Variants in LARGE2 observed in about 807,000 individuals in gnomAD.
LARGE2 encodes LARGE xylosyl- and glucuronyltransferase 2, also known as xylosyl- and glucuronyltransferase LARGE2.
LARGE2 carries 63 observed loss-of-function variants against 75.3 expected under a neutral mutation model. The ratio of observed to expected loss-of-function variants is 0.84; its 90% confidence interval spans 0.68 to 1.03. The LOEUF (loss-of-function observed/expected upper bound fraction) is 1.03, where lower values mean the gene tolerates loss of function less well. Ranked by LOEUF, LARGE2 falls within the 50% of genes least tolerant of loss-of-function variation. The pLI is 0.00. For synonymous variants in LARGE2, 428 were observed against 420.1 expected, an observed-to-expected ratio of 1.02 and a Z score of -0.23; for missense variants, 925 against 980.6, an observed-to-expected ratio of 0.94 and a Z score of 0.76.
At position 45,927,992 on chromosome 11, in the gene LARGE2, G is replaced by C. The variant is rs781100368; in HGVS notation, c.1677G>C (p.Leu559=). The C allele has an allele frequency of 6.2e-7, 1 of 1,613,912 alleles. No individual in the cohort carries two copies. The highest frequency in any genetic ancestry group is 1.1e-5 in the South Asian group (1 of 91,082). ...AALVVPAFET[L]RYRFSFPHSK... The stretch of plus-strand genomic sequence containing the variant: ...TGGTGGTGCCGGCATTCGAGACCCT[G>C]CGCTACCGCTTCAGCTTCCCCCATT... Residue 559 remains leucine, a synonymous_variant, in exon 12 of 14, where the codon CTG becomes CTC. Transcript: ENST00000401752.
Position 45,924,876 on chromosome 11 carries a change from G to A in LARGE2, c.756G>A (p.Arg252=), listed in dbSNP as rs941993848. 5.4e-6 allele frequency: 8 copies of A among 1,479,552 alleles called. No individual in the cohort carries two copies. The highest frequency in any genetic ancestry group is 6.3e-6 in the Non-Finnish European group (7 of 1,116,212). 91.7% of individuals were successfully genotyped at this position (1,479,552 alleles called of 1,614,324 possible). ...ACAGGCCCTGGCCTGCCTTGGGCCGGGGATTTAACACAGGTGGGGACAGTG... is the reference window on the plus strand; with the variant it reads ...ACAGGCCCTGGCCTGCCTTGGGCCGAGGATTTAACACAGGTGGGGACAGTG... ...KNHRPWPALG[R]GFNTGVILLR... is the part of the protein sequence containing the mutation. Residue 252 remains arginine (R), a synonymous_variant, in exon 6 of 14, where the codon CGG becomes CGA. Coordinates refer to ENST00000401752, the MANE Select transcript of LARGE2 (RefSeq NM_001300721.2).
intron 10 of LARGE2, 27 bp downstream of exon 10, chr11:45,926,898 G>A: frequency 6.3e-7 from 1 of 1,586,406 alleles, no homozygotes. Flanking sequence ...CAGCCCAGGG[G>A]GTATGGCATG....
chr11:45,922,867 GC>G lies in LARGE2; in HGVS notation c.-11del, dbSNP rs1194468096. On this transcript the variant is annotated 5_prime_UTR_variant, in exon 2 of 14. Transcript: ENST00000401752. ...CCCCGGGTCGCGTCCCTCCCTGAGC[GC>G]CCCCGTCGGCGGCCATGCTGCCCCG... 3.2e-6 allele frequency: 4 copies of G among 1,251,302 alleles called. No individual in the cohort carries two copies. The highest frequency in any genetic ancestry group is 1.6e-5 in the African/African-American group (1 of 64,158). The allele number at this position is 1,251,302 out of a possible 1,614,324, so 77.5% of individuals were successfully genotyped here.
Position 45,923,213 on chromosome 11 carries a change from C to G in LARGE2, c.285+46C>G, listed in dbSNP as rs1004319887. ...CGGCGGGAGTCCTGGGGGCGCCGCCCCCGAGCCCGGCCTCTTGGACATCTG... is the reference window on the plus strand; with the variant it reads ...CGGCGGGAGTCCTGGGGGCGCCGCCGCCGAGCCCGGCCTCTTGGACATCTG... On this transcript the variant is annotated intron_variant, in intron 2 of 13. Transcript: ENST00000401752. 7 of 1,317,022 alleles carry G rather than the reference C, an allele frequency of 5.3e-6. No homozygotes were observed. In the Admixed American group the frequency reaches 1.6e-4, roughly 31 times the overall value. 81.6% of individuals were successfully genotyped at this position (1,317,022 alleles called of 1,614,324 possible).
chr11:45,925,996 C>A, intron 6 of LARGE2, 43 bp from the exon 7 acceptor site: 1 of 1,514,012 alleles, frequency 6.6e-7, no homozygotes, highest in Non-Finnish European at 9.0e-7. Flanking sequence ...CCCCCAGGAG[C>A]TGGTCGTCCC....
chr11:45,923,641 C>A, intron 3 of LARGE2, 86 bp downstream of exon 3: 1 of 1,198,490 alleles, frequency 8.3e-7, no homozygotes, highest in South Asian at 1.2e-5. Context: ...GCTTCAGCTT[C>A]CTCATCTGTG....
chr11:45,928,160 C>G lies in LARGE2; in HGVS notation c.1755-17C>G. On this transcript the variant is annotated splice_polypyrimidine_tract_variant and intron_variant, in intron 12 of 13. Coordinates refer to ENST00000401752, the MANE Select transcript of LARGE2 (RefSeq NM_001300721.2). Reference sequence around the variant, plus strand: ...CTCCTAGCCTCAGCCTGGCTCCCACCCGACCCTGCTGCACAGGTACCACGA... The same window carrying G: ...CTCCTAGCCTCAGCCTGGCTCCCACGCGACCCTGCTGCACAGGTACCACGA... 6.2e-7 allele frequency: 1 copy of G among 1,613,260 alleles called. No homozygotes were observed.
chr11:45,927,703 T>C (rs2087245193), intron 11 of LARGE2, 110 bp downstream of exon 11: 1 of 1,508,890 alleles, frequency 6.6e-7, no homozygotes, highest in South Asian at 1.1e-5. Context: ...CAGTGGCCTC[T>C]GTCAATTGGG....
At chr11:45,926,653 T>C in intron 9 of LARGE2, 56 bp downstream of exon 9, 1 of 1,612,404 alleles carries the variant, frequency 6.2e-7, no homozygotes, top group East Asian at 2.2e-5. Flanking sequence ...CCCAGCCTTG[T>C]CTGGGGGATG....
rs3215274 is a variant in LARGE2, at chr11:45,929,068, CT to C, written c.*228del. The C allele has an allele frequency of 8.7e-5, 53 of 609,636 alleles. No individual in the cohort carries two copies. The East Asian group carries it at 1.4e-3, about 16-fold the overall frequency. 37.8% of individuals were successfully genotyped at this position (609,636 alleles called of 1,614,324 possible). On this transcript the variant is annotated 3_prime_UTR_variant, in exon 14 of 14. Transcript: ENST00000401752. Reference sequence around the variant, plus strand: ...TTCCCCCATCTTGAATTGTTTATCCCTTTTTCATAATTAAAGTTTTAAAACA... The same window carrying C: ...TTCCCCCATCTTGAATTGTTTATCCCTTTTCATAATTAAAGTTTTAAAACA...
At chr11:45,925,384 A>G (rs2087103638) in intron 6 of LARGE2, among the ~76,000 whole-genome samples, 1 of 152,168 alleles carries the variant, frequency 6.6e-6, no homozygotes, top group South Asian at 2.1e-4. Context: ...GACCAGTCGC[A>G]GTGGCTCACA....
chr11:45,923,191 C>G, intron 2 of LARGE2, 24 bp downstream of exon 2: 1 of 1,325,472 alleles, frequency 7.5e-7, no homozygotes, highest in South Asian at 2.1e-5. Context: ...GCCCTGGCGG[C>G]GGGAGTCCTG....
rs572092873 is a variant in LARGE2 at position 45,928,657 on chromosome 11, G to A, written c.1978G>A (p.Ala660Thr). 7.4e-6 allele frequency: 12 copies of A among 1,614,098 alleles called. No homozygotes were observed. The South Asian group carries it at 1.3e-4, about 18-fold the overall frequency. ...QEYELLVLPE[A>T]FTIHLPHAPS... ...ATATGAGCTCCTGGTGCTGCCCGAG[G>A]CCTTCACCATCCATCTGCCCCACGC... Residue 660 changes from alanine to threonine, a missense_variant, in exon 14 of 14, where the codon GCC (alanine) becomes ACC (threonine). By Grantham distance (58) the Ala-to-Thr change is moderately conservative. This residue lies in a region of LARGE2 where 469 missense variants were observed against 503.8 expected (regional missense o/e 0.93). Transcript: ENST00000401752.
In LARGE2 at chr11:45,923,538, GT is replaced by G. The variant is rs1430371324; in HGVS notation, c.352del (p.Ser118ProfsTer15). The G allele has an allele frequency of 1.2e-6, 2 of 1,613,854 alleles. No homozygotes were observed. The highest frequency in any genetic ancestry group is 1.7e-6 in the Non-Finnish European group (2 of 1,179,976). Reference protein sequence around the residue: ...SSRDVITLVKSMLFYRKNPLH... With the variant: ...SSRDVITLVKXMLFYRKNPLH... ...GCCGAGACGTCATCACCCTGGTGAA[GT>G]CCATGCTCTTCTACAGGTACAGCCA... On this transcript the variant is annotated frameshift_variant, in exon 3 of 14. Coordinates refer to ENST00000401752, the MANE Select transcript of LARGE2 (RefSeq NM_001300721.2). LOFTEE classifies it high-confidence loss of function.
rs922043262 is a variant in LARGE2, at chr11:45,923,837, T to C, written c.368+282T>C. 1.2e-3 allele frequency among the ~76,000 whole-genome samples: 181 copies of C among 150,652 alleles called. 3 individuals are homozygous for C. Among genetic ancestry groups the C allele is most frequent in the African/African-American group, 4.3e-3 (175 of 40,886 alleles). On this transcript the variant is annotated intron_variant, in intron 3 of 13. Coordinates refer to ENST00000401752, the MANE Select transcript of LARGE2 (RefSeq NM_001300721.2). ...CCGTCTCTACTAAAAATACAAAAAATTAGCCGGGCGTAGTGGCGGGCGCCT... is the reference window on the plus strand; with the variant it reads ...CCGTCTCTACTAAAAATACAAAAAACTAGCCGGGCGTAGTGGCGGGCGCCT...
At chr11:45,924,992 A>T in intron 6 of LARGE2, 103 bp downstream of exon 6, 1 of 648,104 alleles carries the variant, frequency 1.5e-6, no homozygotes, top group Non-Finnish European at 2.5e-6. Flanking sequence ...CAGGAAGAAC[A>T]TTGCTGTGAA....
downstream of LARGE2, chr11:45,929,096 CTTTT>C (rs1412610503): frequency 1.8e-6 from 1 of 548,688 alleles, no homozygotes; most frequent in Non-Finnish European, 3.2e-6. Context: ...TTTAAAACAT[CTTTT>C]TTGTGTTCCT....
At chr11:45,924,369 TC>T (rs1229768259) in intron 4 of LARGE2, 92 bp downstream of exon 4, 7 of 1,574,720 alleles carry the variant, frequency 4.4e-6, no homozygotes, top group African/African-American at 1.4e-5. Context: ...GAATCATCAG[TC>T]CCCCCTCCAC....
chr11:45,927,781 C>T, intron 11 of LARGE2, 139 bp from the exon 12 acceptor site: 1 of 1,447,430 alleles, frequency 6.9e-7, no homozygotes, highest in Middle Eastern at 1.7e-4. Context: ...AGCAGCTCCA[C>T]CTGTGGTTGT....
Sources: allele counts gnomAD v4.1 joint callset (sites outside exome capture counted in the v4.1 genomes callset), GRCh38; gene constraint gnomAD v4.1.1; regional missense constraint gnomAD v4.1.1; transcripts MANE v1.5; gene names NCBI Gene and HGNC (gene_info 2026-07-23, HGNC 2026-07-21).